Variants in MTUS1 observed in about 807,000 individuals in gnomAD.
The protein encoded by MTUS1 is microtubule associated scaffold protein 1, also known as microtubule-associated tumor suppressor 1.
MTUS1 carries 109 observed loss-of-function variants against 120.8 expected under a neutral mutation model. That is an observed-to-expected ratio of 0.90 (90% CI 0.77 to 1.06). The LOEUF (loss-of-function observed/expected upper bound fraction) is 1.06. MTUS1 is among the 50% of genes least tolerant of loss of function. The probability of loss-of-function intolerance (pLI) is 0.00; values close to 1 mark genes in which losing one functional copy is unlikely to be tolerated. For missense variants in MTUS1, 2,210 were observed against 1,486.3 expected, an observed-to-expected ratio of 1.49 and a Z score of -8.01; for synonymous variants, 737 against 550.5, an observed-to-expected ratio of 1.34 and a Z score of -4.74.
At chr8:17,731,129 G>C (rs17590998) in intron 3 of MTUS1, among the ~76,000 whole-genome samples, 24,700 of 152,146 alleles carry the variant, frequency 0.16, 2,101 homozygotes, top group Middle Eastern at 0.19. Flanking sequence ...AAAAATTCAG[G>C]ATAGGATAGG....
intron 1 of MTUS1, among the ~76,000 whole-genome samples, chr8:17,790,771 G>A (rs186046318): frequency 6.6e-6 from 1 of 152,194 alleles, no homozygotes; most frequent in Non-Finnish European, 1.5e-5. Flanking sequence ...TGGATCACTT[G>A]AGGTCAAGAG....
At chr8:17,764,011 C>A (rs1318864344) in intron 1 of MTUS1, among the ~76,000 whole-genome samples, 1 of 152,092 alleles carries the variant, frequency 6.6e-6, no homozygotes, top group Non-Finnish European at 1.5e-5. Context: ...TTAGTGCCCA[C>A]AAATTGTAAA....
intron 7 of MTUS1, among the ~76,000 whole-genome samples, chr8:17,679,713 G>C (rs545708114): frequency 6.6e-6 from 1 of 152,122 alleles, no homozygotes; most frequent in Admixed American, 6.5e-5. Flanking sequence ...ATGTTGGCCA[G>C]ACTGGTCTCA....
chr8:17,781,484 A>G (rs1011628412), intron 1 of MTUS1, among the ~76,000 whole-genome samples: 1 of 152,216 alleles, frequency 6.6e-6, no homozygotes, highest in Non-Finnish European at 1.5e-5. Flanking sequence ...TACTGTTTCG[A>G]TTCCTCTGAA....
intron 8 of MTUS1, among the ~76,000 whole-genome samples, chr8:17,671,023 T>C (rs986243297): frequency 1.3e-5 from 2 of 152,110 alleles, no homozygotes; most frequent in Non-Finnish European, 2.9e-5. Context: ...ATGAGGGAAT[T>C]TACTGGATTG....
chr8:17,667,379 C>G (rs1811131357), intron 8 of MTUS1, among the ~76,000 whole-genome samples: 1 of 152,100 alleles, frequency 6.6e-6, no homozygotes. Flanking sequence ...AGTGACTTAC[C>G]TGTAAAGAGT....
chr8:17,779,138 A>T (rs1002449712), intron 1 of MTUS1, among the ~76,000 whole-genome samples: 3 of 152,214 alleles, frequency 2.0e-5, no homozygotes, highest in Admixed American at 2.0e-4. Flanking sequence ...AGTAGTAGGT[A>T]AGGAGGCAGA....
Position 17,684,504 on chromosome 8 carries a change from T to A in MTUS1, c.2662A>T (p.Ile888Phe), listed in dbSNP as rs573148965. The change falls in exon 7 of 15, where the codon ATC (isoleucine) becomes TTC (phenylalanine). Residue 888 changes from isoleucine to phenylalanine, a missense_variant. By Grantham distance (21) the Ile-to-Phe change is conservative (BLOSUM62 0). Transcript: ENST00000693296. ...SRQKNPRSLC[I>F]QPQTAPDALP... ...GCATCGGGAGCTGTCTGTGGCTGGA[T>A]ACATAAGCTTCGAGGATTCTTTTGC... The A allele has an allele frequency of 1.2e-6, 2 of 1,614,164 alleles. No homozygotes were observed. Among genetic ancestry groups the A allele is most frequent in the East Asian group, 4.5e-5 (2 of 44,890 alleles).
chr8:17,781,974 A>T (rs1180101730), intron 1 of MTUS1, among the ~76,000 whole-genome samples: 1 of 152,226 alleles, frequency 6.6e-6, no homozygotes, highest in Non-Finnish European at 1.5e-5. Flanking sequence ...TAAGTGCTAT[A>T]AAGGCCCTCC....
chr8:17,717,850 C>A (rs147128096), intron 4 of MTUS1, among the ~76,000 whole-genome samples: 1 of 152,142 alleles, frequency 6.6e-6, no homozygotes, highest in Non-Finnish European at 1.5e-5. Context: ...CCACACCCAT[C>A]ATCAGCTTCA....
At chr8:17,700,582 A>G (rs1479010687) in intron 6 of MTUS1, among the ~76,000 whole-genome samples, 1 of 152,132 alleles carries the variant, frequency 6.6e-6, no homozygotes, top group Admixed American at 6.5e-5. Flanking sequence ...TTAAACAAAA[A>G]CGATTAAGTA....
chr8:17,683,133 G>A (rs984490686), intron 7 of MTUS1, among the ~76,000 whole-genome samples: 15 of 151,960 alleles, frequency 9.9e-5, no homozygotes, highest in Admixed American at 2.0e-4. Context: ...CTAGCCGGGC[G>A]TGGTGGCGGG....
rs766215536 is a variant in MTUS1 at position 17,653,408 on chromosome 8, T to C, written c.3288+17A>G. 6 of 1,585,718 alleles carry C rather than the reference T, an allele frequency of 3.8e-6. No homozygotes were observed. ...TTTTTTTTTGTGGGGGATACTGGGA[T>C]ATTGACATTCACCCACCTCTAGCGA... On this transcript the variant is annotated intron_variant, in intron 11 of 14. Transcript: ENST00000693296.
chr8:17,740,032 C>G (rs1043580216), intron 3 of MTUS1, among the ~76,000 whole-genome samples: 1 of 151,960 alleles, frequency 6.6e-6, no homozygotes, highest in African/African-American at 2.4e-5. Context: ...ATGGTGAAAC[C>G]CTGTCTCTAC....
intron 1 of MTUS1, among the ~76,000 whole-genome samples, chr8:17,756,671 A>ACCCCCCCT (rs1177055386): frequency 1.7e-5 from 2 of 117,484 alleles, no homozygotes; most frequent in Non-Finnish European, 3.4e-5. Context: ...TCAAGCCCAA[A>ACCCCCCCT]CCCCCACCCC....
intron 3 of MTUS1, among the ~76,000 whole-genome samples, chr8:17,740,207 C>CA (rs752658739): frequency 0.074 from 9,314 of 126,328 alleles, 340 homozygotes; most frequent in East Asian, 0.17. Context: ...GACTCCGTCT[C>CA]AAAAAAAAAA....
intron 1 of MTUS1, among the ~76,000 whole-genome samples, chr8:17,779,690 G>A (rs1169788656): frequency 6.6e-6 from 1 of 152,162 alleles, no homozygotes; most frequent in Non-Finnish European, 1.5e-5. Flanking sequence ...GGCTTCAGAG[G>A]CCCTACTCTA....
intron 12 of MTUS1, chr8:17,651,504 TAC>T (rs1366310350): frequency 2.0e-5 from 3 of 151,712 alleles, no homozygotes; most frequent in Admixed American, 6.6e-5. Flanking sequence ...ATACATTTTA[TAC>T]AGTGTTACCC....
intron 8 of MTUS1, among the ~76,000 whole-genome samples, chr8:17,665,210 A>G (rs938935394): frequency 1.3e-5 from 2 of 152,188 alleles, no homozygotes; most frequent in African/African-American, 4.8e-5. Context: ...TACATTTCCA[A>G]ATTATCTCCA....
Sources: allele counts gnomAD v4.1 joint callset (sites outside exome capture counted in the v4.1 genomes callset), GRCh38; gene constraint gnomAD v4.1.1; transcripts MANE v1.5; gene names NCBI Gene and HGNC (gene_info 2026-07-23, HGNC 2026-07-21).